The following LAMA2 variants were observed in gnomAD, a reference collection of about 807,000 sequenced individuals.
LAMA2 encodes the protein laminin subunit alpha-2.
LAMA2 carries 269 observed loss-of-function variants against 364.8 expected under a neutral mutation model. The observed-to-expected ratio is 0.74, with a 90% CI of 0.67 to 0.82. The LOEUF (loss-of-function observed/expected upper bound fraction) is 0.82, where lower values mean the gene tolerates loss of function less well. LAMA2 is among the 40% of genes least tolerant of loss of function. LAMA2 has a pLI of 0.00. For missense variants in LAMA2, 3,807 were observed against 3,873.2 expected (o/e 0.98, Z 0.45); for synonymous variants, 1,379 against 1,370.6 (o/e 1.01, Z -0.14).
chr6:129,391,990 A>G (rs1330814342), intron 36 of LAMA2, among the ~76,000 whole-genome samples: 2 of 152,188 alleles, frequency 1.3e-5, no homozygotes, highest in East Asian at 1.9e-4. Context: ...AATCATCTGC[A>G]TTAGGGACTT....
chr6:129,018,696 A>G (rs1373207661), intron 1 of LAMA2, among the ~76,000 whole-genome samples: 7 of 152,058 alleles, frequency 4.6e-5, no homozygotes, highest in Non-Finnish European at 2.9e-5. Flanking sequence ...AATATCATCA[A>G]TTGACATTCC....
intron 64 of LAMA2, among the ~76,000 whole-genome samples, chr6:129,514,997 A>G (rs1439100461): frequency 6.6e-6 from 1 of 152,222 alleles, no homozygotes; most frequent in African/African-American, 2.4e-5. Context: ...TCTGGAAATC[A>G]TTGGGTTAAA....
intron 2 of LAMA2, among the ~76,000 whole-genome samples, chr6:129,056,521 TAATG>T (rs1281323928): frequency 2.0e-5 from 3 of 152,124 alleles, no homozygotes; most frequent in African/African-American, 7.2e-5. Context: ...TTACCAATAA[TAATG>T]GAATATTTTT....
intron 12 of LAMA2, among the ~76,000 whole-genome samples, chr6:129,236,554 A>G (rs1231520885): frequency 6.6e-6 from 1 of 152,186 alleles, no homozygotes; most frequent in Non-Finnish European, 1.5e-5. Context: ...CCTCATTCAG[A>G]TATTCCAGGT....
intron 12 of LAMA2, among the ~76,000 whole-genome samples, chr6:129,195,967 T>C (rs1055910445): frequency 2.0e-5 from 3 of 152,200 alleles, no homozygotes; most frequent in African/African-American, 7.2e-5. Flanking sequence ...TCTCTTTGCA[T>C]CTGTAAAGTT....
At chr6:129,502,632 T>A in intron 58 of LAMA2, 27 bp from the exon 59 acceptor site, 1 of 1,401,048 alleles carries the variant, frequency 7.1e-7, no homozygotes, top group Non-Finnish European at 1.0e-6. Context: ...CATAATCTCC[T>A]GTTTTTCTCT....
At chr6:129,050,341 T>C (rs904983601) in intron 2 of LAMA2, among the ~76,000 whole-genome samples, 5 of 152,172 alleles carry the variant, frequency 3.3e-5, no homozygotes, top group Admixed American at 1.3e-4. Flanking sequence ...GTTTACTAAC[T>C]CCAGATACCA....
intron 12 of LAMA2, among the ~76,000 whole-genome samples, chr6:129,221,479 G>A (rs1411418517): frequency 6.6e-6 from 1 of 150,982 alleles, no homozygotes; most frequent in African/African-American, 2.4e-5. Context: ...CATATGGAAG[G>A]ATCTTGAGTC....
chr6:128,953,226 T>C (rs968901530), intron 1 of LAMA2, among the ~76,000 whole-genome samples: 3 of 152,176 alleles, frequency 2.0e-5, no homozygotes, highest in Non-Finnish European at 2.9e-5. Flanking sequence ...GTGATCACTG[T>C]CCCTCTAATT....
At chr6:128,964,496 T>A (rs1484595289) in intron 1 of LAMA2, among the ~76,000 whole-genome samples, 1 of 152,054 alleles carries the variant, frequency 6.6e-6, no homozygotes, top group African/African-American at 2.4e-5. Flanking sequence ...TTGGCTCCAA[T>A]TTCATTCATA....
At chr6:129,326,454 A>G (rs1427493905) in intron 28 of LAMA2, among the ~76,000 whole-genome samples, 1 of 152,246 alleles carries the variant, frequency 6.6e-6, no homozygotes, top group East Asian at 1.9e-4. Flanking sequence ...GCTAAACTGT[A>G]CAATTCCTCG....
At chr6:128,960,476 G>A (rs1440880743) in intron 1 of LAMA2, among the ~76,000 whole-genome samples, 12 of 108,820 alleles carry the variant, frequency 1.1e-4, no homozygotes, top group African/African-American at 5.5e-4. Flanking sequence ...CGCCCCCGCC[G>A]ACCCCCATGA....
intron 29 of LAMA2, among the ~76,000 whole-genome samples, chr6:129,338,258 C>G (rs1430554751): frequency 6.6e-6 from 1 of 152,082 alleles, no homozygotes; most frequent in Non-Finnish European, 1.5e-5. Flanking sequence ...ACTGCAAAAG[C>G]AAAAGGCTGA....
intron 35 of LAMA2, among the ~76,000 whole-genome samples, chr6:129,385,918 T>C (rs1486592809): frequency 2.6e-5 from 4 of 152,168 alleles, no homozygotes; most frequent in Non-Finnish European, 5.9e-5. Context: ...GAATTTTTAC[T>C]TACCTTTATA....
At chr6:129,229,416 G>T (rs1050943060) in intron 12 of LAMA2, among the ~76,000 whole-genome samples, 2 of 152,128 alleles carry the variant, frequency 1.3e-5, no homozygotes, top group Admixed American at 1.3e-4. Flanking sequence ...CCTCAAGGAT[G>T]GGGTAAGAGT....
intron 14 of LAMA2, among the ~76,000 whole-genome samples, chr6:129,253,860 C>A (rs1405682208): frequency 6.6e-6 from 1 of 152,148 alleles, no homozygotes; most frequent in Non-Finnish European, 1.5e-5. Flanking sequence ...ATTCACAGCG[C>A]GGCTCTGTGA....
At chr6:129,507,772 A>G (rs1238519672) in intron 62 of LAMA2, 130 bp downstream of exon 62, 3 of 909,872 alleles carry the variant, frequency 3.3e-6, no homozygotes, top group Non-Finnish European at 5.3e-6. Context: ...AAAGAAACTT[A>G]TGGAAGTAAT....
chr6:128,915,263 G>A (rs867320365), intron 1 of LAMA2, among the ~76,000 whole-genome samples: 8 of 152,114 alleles, frequency 5.3e-5, no homozygotes, highest in Admixed American at 2.0e-4. Context: ...AAGGCAGAAA[G>A]GTTAATGGAT....
chr6:129,118,491 C>T (rs968715713), intron 4 of LAMA2, among the ~76,000 whole-genome samples: 2 of 152,116 alleles, frequency 1.3e-5, no homozygotes, highest in African/African-American at 4.8e-5. Flanking sequence ...GATTTTAAAG[C>T]TATCTGAAAA....
Sources: allele counts gnomAD v4.1 joint callset (sites outside exome capture counted in the v4.1 genomes callset), GRCh38; gene constraint gnomAD v4.1.1; transcripts MANE v1.5; gene names NCBI Gene and HGNC (gene_info 2026-07-23, HGNC 2026-07-21).